COL25A1: variants seen among roughly 807,000 people sequenced by gnomAD.
The protein encoded by COL25A1 is collagen alpha-1(XXV) chain.
COL25A1 carries 103 observed loss-of-function variants against 128.4 expected under a neutral mutation model. The observed-to-expected ratio is 0.80, with a 90% confidence interval of 0.68 to 0.94. COL25A1 has a LOEUF of 0.94. Among genes scored for constraint, COL25A1 ranks in the 40% least tolerant of loss-of-function variants. The pLI, the probability that COL25A1 is intolerant of heterozygous loss-of-function variation, is 0.00. For missense variants in COL25A1, 745 were observed against 840.0 expected, an observed-to-expected ratio of 0.89 and a Z score of 1.40; for synonymous variants, 279 against 277.2, an observed-to-expected ratio of 1.01 and a Z score of -0.06.
chr4:109,060,823 A>G (rs1579238894), intron 3 of COL25A1, among the ~76,000 whole-genome samples: 1 of 152,022 alleles, frequency 6.6e-6, no homozygotes, highest in East Asian at 1.9e-4. Flanking sequence ...CTTCCCTCAC[A>G]TTCTTGTGAA....
intron 3 of COL25A1, among the ~76,000 whole-genome samples, chr4:109,231,762 G>C (rs1361784709): frequency 6.6e-6 from 1 of 152,176 alleles, no homozygotes; most frequent in African/African-American, 2.4e-5. Flanking sequence ...GCGCAACCTT[G>C]CAATTCAGGC....
intron 6 of COL25A1, 120 bp downstream of exon 6, chr4:109,010,238 G>C (rs1301522695): frequency 1.8e-5 from 14 of 782,700 alleles, no homozygotes; most frequent in Non-Finnish European, 2.9e-5. Context: ...TTGGTCTACT[G>C]TGTGGTGTTG....
chr4:109,290,606 T>G (rs1479842793), intron 3 of COL25A1, among the ~76,000 whole-genome samples: 1 of 152,058 alleles, frequency 6.6e-6, no homozygotes, highest in African/African-American at 2.4e-5. Context: ...GGAAGGAAAT[T>G]TAGGAAATAC....
chr4:108,836,340 A>C (rs994427717), intron 31 of COL25A1, among the ~76,000 whole-genome samples: 2 of 152,214 alleles, frequency 1.3e-5, no homozygotes, highest in African/African-American at 4.8e-5. Context: ...AGTTTAAATA[A>C]AATAGAAAAT....
At chr4:108,903,263 G>A (rs1039147865) in intron 13 of COL25A1, among the ~76,000 whole-genome samples, 2 of 151,838 alleles carry the variant, frequency 1.3e-5, no homozygotes, top group African/African-American at 2.4e-5. Context: ...AATTGTACCT[G>A]TAATCCCCAT....
intron 5 of COL25A1, among the ~76,000 whole-genome samples, chr4:109,035,473 T>G (rs533704941): frequency 6.6e-6 from 1 of 152,334 alleles, no homozygotes; most frequent in Admixed American, 6.5e-5. Flanking sequence ...ATAAAAACTT[T>G]CTATTTAAAT....
At position 108,827,141 on chromosome 4, in the gene COL25A1, C is replaced by G. The variant is rs750439371; in HGVS notation, c.1758G>C (p.Gly586=). The part of the protein sequence containing the change: ...MGEPGPRGPY[G]LPGKDGEPGL... ...CATGTGACCAGGAACTCACAGGCAG[C>G]CCATAGGGCCCTCTTGGTCCAGGCT... Residue 586 remains glycine (G), a synonymous_variant, in exon 33 of 38, where the codon GGG becomes GGC. Coordinates refer to ENST00000399132, the MANE Select transcript of COL25A1 (RefSeq NM_198721.4). 6.2e-7 allele frequency: 1 copy of G among 1,613,742 alleles called. No homozygotes were observed. The highest frequency in any genetic ancestry group is 1.1e-5 in the South Asian group (1 of 90,990).
At chr4:108,901,202 T>A in intron 13 of COL25A1, 30 bp from the exon 14 acceptor site, 3 of 1,510,690 alleles carry the variant, frequency 2.0e-6, no homozygotes, top group South Asian at 1.1e-5. Context: ...TACTACTAAG[T>A]AAAATAGACA....
intron 3 of COL25A1, among the ~76,000 whole-genome samples, chr4:109,065,428 C>G (rs1168043232): frequency 6.6e-6 from 1 of 151,778 alleles, no homozygotes. Flanking sequence ...GAACTGTTTT[C>G]TATAGTTACC....
intron 6 of COL25A1, among the ~76,000 whole-genome samples, chr4:108,990,034 A>G (rs10006810): frequency 0.8 from 120,015 of 150,720 alleles, 48,930 homozygotes; most frequent in East Asian, 1. Context: ...ACAACATGGT[A>G]AAACCCCGTC....
intron 6 of COL25A1, among the ~76,000 whole-genome samples, chr4:108,983,720 A>G (rs566617454): frequency 2.2e-4 from 33 of 151,506 alleles, no homozygotes; most frequent in African/African-American, 7.8e-4. Flanking sequence ...GGACCTTCGC[A>G]GTGAGTGTTA....
intron 11 of COL25A1, 119 bp downstream of exon 11, chr4:108,937,689 C>G: frequency 1.3e-6 from 1 of 779,624 alleles, no homozygotes; most frequent in Non-Finnish European, 2.0e-6. Context: ...TTAACTTTTA[C>G]TAATTTTCAC....
chr4:108,968,130 GA>G (rs1203932661), intron 8 of COL25A1, among the ~76,000 whole-genome samples: 2 of 152,154 alleles, frequency 1.3e-5, no homozygotes, highest in Non-Finnish European at 2.9e-5. Flanking sequence ...TTCATTTGTG[GA>G]AATCTAACAC....
At chr4:109,218,344 C>A (rs1778152616) in intron 3 of COL25A1, among the ~76,000 whole-genome samples, 1 of 75,174 alleles carries the variant, frequency 1.3e-5, no homozygotes, top group African/African-American at 6.6e-5. Flanking sequence ...GAATCAATTG[C>A]TGGTTTTTTG....
intron 3 of COL25A1, among the ~76,000 whole-genome samples, chr4:109,135,089 T>C (rs924412301): frequency 6.7e-6 from 1 of 149,860 alleles, no homozygotes; most frequent in African/African-American, 2.5e-5. Context: ...GAGAGAGTTT[T>C]GGAAAAAAGG....
At chr4:109,145,726 AGCTACTCAGGAG>A (rs1770876772) in intron 3 of COL25A1, among the ~76,000 whole-genome samples, 1 of 152,178 alleles carries the variant, frequency 6.6e-6, no homozygotes, top group African/African-American at 2.4e-5. Flanking sequence ...CTCTAATCCC[AGCTACTCAGGAG>A]GCTGAAGCAG....
At chr4:108,942,570 A>T (rs1480581405) in intron 8 of COL25A1, among the ~76,000 whole-genome samples, 1 of 151,558 alleles carries the variant, frequency 6.6e-6, no homozygotes, top group Non-Finnish European at 1.5e-5. Flanking sequence ...CAGCCTCCCT[A>T]GTAGCTGGGA....
At chr4:109,023,661 C>T (rs1393889745) in intron 5 of COL25A1, among the ~76,000 whole-genome samples, 1 of 152,182 alleles carries the variant, frequency 6.6e-6, no homozygotes, top group Non-Finnish European at 1.5e-5. Context: ...GAAATATTTG[C>T]TACTACTATT....
chr4:109,065,402 T>G (rs566037625), intron 3 of COL25A1, among the ~76,000 whole-genome samples: 40 of 152,160 alleles, frequency 2.6e-4, no homozygotes, highest in African/African-American at 8.9e-4. Flanking sequence ...AGTTCTACAT[T>G]CCAGAAGAAT....
Sources: allele counts gnomAD v4.1 joint callset (sites outside exome capture counted in the v4.1 genomes callset), GRCh38; gene constraint gnomAD v4.1.1; transcripts MANE v1.5; gene names NCBI Gene and HGNC (gene_info 2026-07-23, HGNC 2026-07-21).